Variants in RP1 observed in about 807,000 individuals in gnomAD.
RP1 encodes the protein oxygen-regulated protein 1.
In RP1, 16 loss-of-function variants were observed where a neutral mutation model predicts 14.8. The observed-to-expected ratio is 1.08, with a 90% CI of 0.73 to 1.65. The LOEUF (loss-of-function observed/expected upper bound fraction) is 1.65, where lower values mean the gene tolerates loss of function less well. RP1 is among the 40% of genes most tolerant of loss of function. RP1 has a pLI of 0.00. For missense variants in RP1, 2,631 were observed against 2,535.0 expected, an observed-to-expected ratio of 1.04 and a Z score of -0.81; for synonymous variants, 876 against 883.6, an observed-to-expected ratio of 0.99 and a Z score of 0.15.
chr8:54,702,457 T>C (rs538560050), intron 14 of RP1, among the ~76,000 whole-genome samples: 3 of 152,190 alleles, frequency 2.0e-5, no homozygotes, highest in African/African-American at 7.2e-5. Context: ...CAGCATTATG[T>C]CTAAAAAATG....
At chr8:54,633,729 C>CTATA (rs1286698033), downstream of RP1, among the ~76,000 whole-genome samples, 20 of 136,622 alleles carry the variant, frequency 1.5e-4, no homozygotes, top group South Asian at 5.0e-4. Context: ...CTCTCTCTCT[C>CTATA]TCTCTCTCTA....
intron 22 of RP1, among the ~76,000 whole-genome samples, chr8:54,766,555 G>A (rs982119360): frequency 1.3e-5 from 2 of 152,024 alleles, no homozygotes; most frequent in Non-Finnish European, 2.9e-5. Context: ...TGGGGATGGG[G>A]GTGGAGACAT....
At chr8:54,640,990 T>A (rs992729218) in intron 3 of RP1, among the ~76,000 whole-genome samples, 5 of 150,640 alleles carry the variant, frequency 3.3e-5, no homozygotes, top group Non-Finnish European at 7.4e-5. Flanking sequence ...GACAGAGTCT[T>A]GCCGTGTTGC....
chr8:54,816,460 T>A (rs1811134816), intron 24 of RP1, among the ~76,000 whole-genome samples: 1 of 152,076 alleles, frequency 6.6e-6, no homozygotes, highest in South Asian at 2.1e-4. Flanking sequence ...TAATGAAAAG[T>A]CTCTAACTTG....
At chr8:54,762,083 C>T (rs537465286) in intron 22 of RP1, among the ~76,000 whole-genome samples, 1 of 152,280 alleles carries the variant, frequency 6.6e-6, no homozygotes, top group South Asian at 2.1e-4. Flanking sequence ...GTGGACAGTC[C>T]TGGCGGGGGA....
intron 3 of RP1, among the ~76,000 whole-genome samples, chr8:54,641,049 A>G (rs1806445065): frequency 6.9e-6 from 1 of 144,138 alleles, no homozygotes; most frequent in South Asian, 2.1e-4. Flanking sequence ...GGTTCACACC[A>G]TTCTCCTTCC....
intron 12 of RP1, among the ~76,000 whole-genome samples, chr8:54,686,949 T>C (rs1442956497): frequency 6.6e-6 from 1 of 152,194 alleles, no homozygotes; most frequent in East Asian, 1.9e-4. Flanking sequence ...GAAGTTTTCC[T>C]CTGTCCTAGA....
In RP1 at chr8:54,706,929, C is replaced by T. The variant is rs529205591; in HGVS notation, c.2211+274C>T. Reference sequence around the variant, plus strand: ...GTAGATTCTGATTGAGGAAGGCTGGCGTGGGACCTGAGTGTTTACGTTTCT... The same window carrying T: ...GTAGATTCTGATTGAGGAAGGCTGGTGTGGGACCTGAGTGTTTACGTTTCT... On this transcript the variant is annotated intron_variant, in intron 15 of 22. Coordinates refer to the RP1 transcript ENST00000636932. 3.9e-5 allele frequency among the ~76,000 whole-genome samples: 6 copies of T among 152,136 alleles called. No homozygotes were observed. In the South Asian group the frequency reaches 6.2e-4, roughly 16 times the overall value.
At chr8:54,657,680 A>G (rs1806785966) in intron 6 of RP1, among the ~76,000 whole-genome samples, 1 of 152,168 alleles carries the variant, frequency 6.6e-6, no homozygotes, top group Non-Finnish European at 1.5e-5. Context: ...CTTTTTTGCT[A>G]TATTTTATTC....
intron 15 of RP1, chr8:54,706,746 A>G: frequency 7.8e-7 from 1 of 1,281,240 alleles, no homozygotes; most frequent in African/African-American, 1.5e-5. Flanking sequence ...GGGTTTTGGA[A>G]ATTGAATGTT....
intron 24 of RP1, among the ~76,000 whole-genome samples, chr8:54,837,107 A>G (rs1498172): frequency 0.3 from 46,119 of 152,030 alleles, 7,204 homozygotes; most frequent in South Asian, 0.37. Flanking sequence ...TAATAACACC[A>G]GAGCATAGGA....
intron 24 of RP1, among the ~76,000 whole-genome samples, chr8:54,824,878 T>G (rs1811344439): frequency 1.3e-5 from 2 of 152,278 alleles, no homozygotes; most frequent in South Asian, 4.2e-4. Flanking sequence ...TCATAATTTT[T>G]AAAACTCTCA....
intron 24 of RP1, among the ~76,000 whole-genome samples, chr8:54,807,440 C>G (rs1810879842): frequency 2.0e-5 from 3 of 152,162 alleles, no homozygotes; most frequent in Admixed American, 2.0e-4. Flanking sequence ...TCCTTTCACT[C>G]TTTTGACCAC....
intron 7 of RP1, chr8:54,663,900 C>T (rs1806953430): frequency 1.4e-6 from 2 of 1,434,818 alleles, no homozygotes; most frequent in Non-Finnish European, 1.8e-6. Context: ...GGTAAAAACA[C>T]ATAAAATAAG....
At chr8:54,579,266 A>G (rs1804726527) in intron 1 of RP1, among the ~76,000 whole-genome samples, 1 of 152,202 alleles carries the variant, frequency 6.6e-6, no homozygotes, top group African/African-American at 2.4e-5. Flanking sequence ...TCGTTTAATG[A>G]TTCTTAACAT....
chr8:54,725,109 A>G (rs1808623796), intron 16 of RP1, among the ~76,000 whole-genome samples: 1 of 152,178 alleles, frequency 6.6e-6, no homozygotes, highest in Non-Finnish European at 1.5e-5. Context: ...CATTTCTTAT[A>G]CATTGATTTG....
At chr8:54,808,454 T>A (rs1157065631) in intron 24 of RP1, among the ~76,000 whole-genome samples, 1 of 152,208 alleles carries the variant, frequency 6.6e-6, no homozygotes, top group Non-Finnish European at 1.5e-5. Flanking sequence ...GCCTGAGCTT[T>A]GAATAGTTGT....
At chr8:54,784,754 A>G (rs1001435031) in intron 24 of RP1, among the ~76,000 whole-genome samples, 2 of 152,094 alleles carry the variant, frequency 1.3e-5, no homozygotes, top group East Asian at 1.9e-4. Context: ...GCCATACAAC[A>G]TATTTAATAA....
At chr8:54,704,363 G>A (rs541014042) in intron 14 of RP1, among the ~76,000 whole-genome samples, 1 of 152,294 alleles carries the variant, frequency 6.6e-6, no homozygotes, top group African/African-American at 2.4e-5. Context: ...ACTGGTTAGT[G>A]GAGCCATTCA....
Sources: allele counts gnomAD v4.1 joint callset (sites outside exome capture counted in the v4.1 genomes callset), GRCh38; gene constraint gnomAD v4.1.1; transcripts MANE v1.5; gene names NCBI Gene and HGNC (gene_info 2026-07-23, HGNC 2026-07-21).